The following DSCAML1 variants were observed in gnomAD, a reference collection of about 807,000 sequenced individuals.
The protein encoded by DSCAML1 is cell adhesion molecule DSCAML1.
DSCAML1 carries 38 observed loss-of-function variants against 200.5 expected under a neutral mutation model. The ratio of observed to expected loss-of-function variants is 0.19; its 90% CI spans 0.15 to 0.25. DSCAML1 has a LOEUF of 0.25. DSCAML1 is among the 10% of genes least tolerant of loss of function. The probability of loss-of-function intolerance (pLI) is 1.00; values close to 1 mark genes in which losing one functional copy is unlikely to be tolerated. For missense variants in DSCAML1, 2,223 were observed against 2,858.8 expected, an observed-to-expected ratio of 0.78 and a Z score of 5.07; for synonymous variants, 1,215 against 1,165.0, an observed-to-expected ratio of 1.04 and a Z score of -0.87.
intron 20 of DSCAML1, 148 bp from the exon 21 acceptor site, chr11:117,444,187 G>C: frequency 2.0e-6 from 2 of 992,204 alleles, no homozygotes; most frequent in Non-Finnish European, 2.8e-6. Flanking sequence ...CCAAGTTTTA[G>C]AGATGCAGCG....
Position 117,443,564 on chromosome 11 carries a change from C to T in DSCAML1, c.3862+322G>A, listed in dbSNP as rs946673042. On this transcript the variant is annotated intron_variant, in intron 21 of 32. Coordinates refer to ENST00000651296, the MANE Select transcript of DSCAML1 (RefSeq NM_020693.4). ...CCTCTGGAGGAGCTGAGCATTGGGA[C>T]AAAGGCCCGGCTTTGAATTGGGGGT... 6.6e-5 allele frequency among the ~76,000 whole-genome samples: 10 copies of T among 152,352 alleles called. No homozygotes were observed. The South Asian group carries it at 2.1e-3, about 32-fold the overall frequency.
rs1376155463 is a variant in DSCAML1 at position 117,769,075 on chromosome 11, TA to T, written c.511+7715del. Among the ~76,000 whole-genome samples the T allele has an allele frequency of 0.013, 80 of 5,940 alleles. 1 individual carries two copies. In the South Asian group the frequency reaches 0.2, roughly 15 times the overall value. The allele number at this position is 5,940 out of a possible 152,430, so 3.9% of individuals were successfully genotyped here. A position where few individuals can be genotyped will look rare whatever the true frequency, so the allele number is the denominator to read the frequency against. On this transcript the variant is annotated intron_variant, in intron 3 of 32. Transcript: ENST00000651296. ...ATTCCATCTCAAAAAAATATATATA[TA>T]ATCTATATATAATATATATTTTATA...
chr11:117,474,991 G>A (rs182849840), intron 14 of DSCAML1, among the ~76,000 whole-genome samples: 1 of 152,070 alleles, frequency 6.6e-6, no homozygotes, highest in African/African-American at 2.4e-5. Flanking sequence ...TCCTGACCTC[G>A]TGATCTGCCC....
intron 6 of DSCAML1, among the ~76,000 whole-genome samples, chr11:117,519,411 A>C (rs1270743041): frequency 1.3e-5 from 2 of 152,220 alleles, no homozygotes; most frequent in Non-Finnish European, 1.5e-5. Flanking sequence ...AACCTTGGAC[A>C]AGACAATTAA....
intron 3 of DSCAML1, among the ~76,000 whole-genome samples, chr11:117,650,194 G>A (rs767083917): frequency 2.0e-4 from 31 of 152,282 alleles, no homozygotes; most frequent in Non-Finnish European, 4.0e-4. Context: ...GATCTCCAGG[G>A]TGCGGCCCAG....
intron 1 of DSCAML1, among the ~76,000 whole-genome samples, chr11:117,807,816 G>T (rs987072197): frequency 6.6e-6 from 1 of 152,156 alleles, no homozygotes; most frequent in Non-Finnish European, 1.5e-5. Context: ...ACTCAGTCTG[G>T]TTCTGGCTTT....
intron 11 of DSCAML1, among the ~76,000 whole-genome samples, chr11:117,482,487 A>G (rs1194262439): frequency 6.6e-6 from 1 of 152,242 alleles, no homozygotes; most frequent in Non-Finnish European, 1.5e-5. Context: ...TAAAAACATG[A>G]ACAAGCAAAC....
chr11:117,456,308 C>T (rs541347926), intron 19 of DSCAML1, among the ~76,000 whole-genome samples: 2 of 152,342 alleles, frequency 1.3e-5, no homozygotes, highest in African/African-American at 4.8e-5. Context: ...AGCTGTCCTA[C>T]TCAGGACTTC....
In DSCAML1 at chr11:117,486,911, C is replaced by CTTT. The variant is rs56805170; in HGVS notation, c.2360-4752_2360-4750dup. On this transcript the variant is annotated intron_variant, in intron 11 of 32. Transcript: ENST00000651296. The stretch of plus-strand genomic sequence containing the variant: ...GAAAAAAAAAAAGAATGTAAAATAC[C>CTTT]TTTTTTTTTTTTTTTTTTTTTTTTT... Among the ~76,000 whole-genome samples the CTTT allele has an allele frequency of 5.8e-4, 46 of 79,664 alleles. 2 individuals carry two copies. The highest frequency in any genetic ancestry group is 8.4e-4 in the East Asian group (2 of 2,388). 52.3% of individuals were successfully genotyped at this position (79,664 alleles called of 152,430 possible).
intron 16 of DSCAML1, among the ~76,000 whole-genome samples, chr11:117,467,995 C>G (rs2048617082): frequency 6.6e-6 from 1 of 152,154 alleles, no homozygotes; most frequent in Non-Finnish European, 1.5e-5. Context: ...AGGTCTCAGA[C>G]AGGCATGCAG....
intron 3 of DSCAML1, among the ~76,000 whole-genome samples, chr11:117,614,410 G>A (rs2051766763): frequency 6.6e-6 from 1 of 152,176 alleles, no homozygotes; most frequent in Admixed American, 6.5e-5. Flanking sequence ...TTGTACTGGG[G>A]CGCAGTGTGG....
chr11:117,628,814 C>G (rs1350773033), intron 3 of DSCAML1, among the ~76,000 whole-genome samples: 2 of 152,140 alleles, frequency 1.3e-5, no homozygotes, highest in Admixed American at 6.6e-5. Flanking sequence ...TTTTAGAAAC[C>G]AGATGGCTCA....
intron 3 of DSCAML1, among the ~76,000 whole-genome samples, chr11:117,679,415 C>T (rs2053275236): frequency 6.6e-6 from 1 of 152,200 alleles, no homozygotes; most frequent in Non-Finnish European, 1.5e-5. Flanking sequence ...GACTGGGTTG[C>T]ATTCAAAGGA....
chr11:117,732,890 G>A (rs867003382), intron 3 of DSCAML1, among the ~76,000 whole-genome samples: 3 of 151,858 alleles, frequency 2.0e-5, no homozygotes, highest in Non-Finnish European at 2.9e-5. Context: ...ACGAACGTCG[G>A]TATGATAATA....
chr11:117,451,647 T>G (rs1226004213), intron 19 of DSCAML1, among the ~76,000 whole-genome samples: 1 of 152,050 alleles, frequency 6.6e-6, no homozygotes, highest in Non-Finnish European at 1.5e-5. Context: ...AAACCCTGTC[T>G]CTATAAAAAA....
upstream of DSCAML1, chr11:117,801,639 C>T (rs961839707): frequency 1.3e-5 from 2 of 152,210 alleles, no homozygotes; most frequent in African/African-American, 4.8e-5. Flanking sequence ...AACCAAAATT[C>T]TGTCTGCTGG....
intron 3 of DSCAML1, among the ~76,000 whole-genome samples, chr11:117,550,687 C>T (rs1012713112): frequency 2.0e-5 from 3 of 152,220 alleles, no homozygotes; most frequent in African/African-American, 7.2e-5. Flanking sequence ...CATTGGCCAG[C>T]GTGGCACCAG....
At chr11:117,557,136 G>A (rs190607807) in intron 3 of DSCAML1, among the ~76,000 whole-genome samples, 154 of 152,292 alleles carry the variant, frequency 1.0e-3, no homozygotes, top group African/African-American at 3.4e-3. Flanking sequence ...AATTTAAGAT[G>A]CCCGTAGTTA....
chr11:117,594,582 C>T (rs2051324684), intron 3 of DSCAML1, among the ~76,000 whole-genome samples: 1 of 152,238 alleles, frequency 6.6e-6, no homozygotes, highest in Admixed American at 6.5e-5. Context: ...GCTCTGACAT[C>T]TGTGTTCTGG....
Sources: allele counts gnomAD v4.1 joint callset (sites outside exome capture counted in the v4.1 genomes callset), GRCh38; gene constraint gnomAD v4.1.1; transcripts MANE v1.5; gene names NCBI Gene and HGNC (gene_info 2026-07-23, HGNC 2026-07-21).